Variants in B4GALT6 observed in about 807,000 individuals in gnomAD.
B4GALT6 encodes beta-1,4-galactosyltransferase 6, also known as UDP-Gal:beta-GlcNAc beta-1,4-galactosyltransferase 6.
Under a neutral mutation model 46.3 loss-of-function variants are expected in B4GALT6, and 14 were observed. That is an observed-to-expected ratio of 0.30 (90% confidence interval 0.20 to 0.47). The LOEUF is 0.47. B4GALT6 is among the 20% of genes least tolerant of loss of function. The pLI is 0.99. For missense variants in B4GALT6, 386 were observed against 480.1 expected (o/e 0.80, Z 1.83); for synonymous variants, 168 against 162.0 (o/e 1.04, Z -0.28).
chr18:31,638,628 T>C lies in B4GALT6; in HGVS notation c.588+16A>G, dbSNP rs1345464362. 1.3e-6 allele frequency: 2 copies of C among 1,564,270 alleles called. No homozygotes were observed. Among genetic ancestry groups the C allele is most frequent in the Non-Finnish European group, 1.8e-6 (2 of 1,134,960 alleles). ...ATTCTAGTATACTTAGTGACCACTA[T>C]GAAAAGTATTCTCACCTGTTCAATG... On this transcript the variant is annotated intron_variant, in intron 5 of 8. Transcript: ENST00000306851.
chr18:31,641,507 T>C (rs1487983035), intron 4 of B4GALT6, among the ~76,000 whole-genome samples: 3 of 152,230 alleles, frequency 2.0e-5, no homozygotes, highest in Admixed American at 6.5e-5. Flanking sequence ...TGTGGAAGAA[T>C]GTCCTCCATA....
At chr18:31,693,253 C>A in the B4GALT6 span, among the ~76,000 whole-genome samples, 1 of 152,152 alleles carries the variant, frequency 6.6e-6, no homozygotes, top group African/African-American at 2.4e-5. Context: ...TGGAACCACT[C>A]AGCTCAGGAT....
At chr18:31,692,241 T>C in the B4GALT6 span, among the ~76,000 whole-genome samples, 1 of 152,188 alleles carries the variant, frequency 6.6e-6, no homozygotes, top group Non-Finnish European at 1.5e-5. Flanking sequence ...AAATTGTAGA[T>C]TTTATGATGT....
At chr18:31,630,583 G>A in intron 6 of B4GALT6, among the ~76,000 whole-genome samples, 1 of 152,094 alleles carries the variant, frequency 6.6e-6, no homozygotes, top group Non-Finnish European at 1.5e-5. Flanking sequence ...GAGCACATGT[G>A]ATCTCACAGC....
chr18:31,660,895 G>GA (rs1275812785), intron 2 of B4GALT6, among the ~76,000 whole-genome samples: 3 of 152,174 alleles, frequency 2.0e-5, no homozygotes, highest in Non-Finnish European at 4.4e-5. Context: ...AAAGTCTCCA[G>GA]AAAAAACTGG....
chr18:31,721,946 T>A, the B4GALT6 span, among the ~76,000 whole-genome samples: 1 of 152,112 alleles, frequency 6.6e-6, no homozygotes, highest in Non-Finnish European at 1.5e-5. Context: ...GAGCCCTGAT[T>A]GATACACTTG....
At chr18:31,697,217 G>T in the B4GALT6 span, among the ~76,000 whole-genome samples, 1 of 152,102 alleles carries the variant, frequency 6.6e-6, no homozygotes, top group Non-Finnish European at 1.5e-5. Context: ...GGATGGCTGA[G>T]ATTGTGCCCC....
At chr18:31,695,320 C>T in the B4GALT6 span, among the ~76,000 whole-genome samples, 2 of 151,648 alleles carry the variant, frequency 1.3e-5, no homozygotes, top group Non-Finnish European at 2.9e-5. Context: ...TCAAAGATGC[C>T]AGAAAATGCC....
intron 5 of B4GALT6, among the ~76,000 whole-genome samples, chr18:31,637,707 T>C (rs1360730826): frequency 6.6e-6 from 1 of 152,208 alleles, no homozygotes; most frequent in African/African-American, 2.4e-5. Flanking sequence ...TGCTTTGCTG[T>C]TGTGTTAAAA....
In B4GALT6 at chr18:31,624,394, C is replaced by G. The variant is rs1378569079; in HGVS notation, c.*1220G>C. 1 of 151,416 alleles carries G rather than the reference C, an allele frequency of 6.6e-6. No homozygotes were observed. Among genetic ancestry groups the G allele is most frequent in the Admixed American group, 6.6e-5 (1 of 15,220 alleles). The allele number at this position is 151,416 out of a possible 1,614,324, so 9.4% of individuals were successfully genotyped here. A position where few individuals can be genotyped will look rare whatever the true frequency, so the allele number is the denominator to read the frequency against. On this transcript the variant is annotated 3_prime_UTR_variant, in exon 9 of 9. Coordinates refer to ENST00000306851, the MANE Select transcript of B4GALT6 (RefSeq NM_004775.5). ...GAAAGAAAATTTTAGTAATTAACACCAGAGATATAATCTCTTAAAAGTGAA... is the reference window on the plus strand; with the variant it reads ...GAAAGAAAATTTTAGTAATTAACACGAGAGATATAATCTCTTAAAAGTGAA...
At chr18:31,634,152 G>A (rs1667276) in intron 5 of B4GALT6, among the ~76,000 whole-genome samples, 56,094 of 152,004 alleles carry the variant, frequency 0.37, 10,482 homozygotes, top group Middle Eastern at 0.49. Flanking sequence ...GCCAGACGGG[G>A]AAAGGCCTGG....
the B4GALT6 span, among the ~76,000 whole-genome samples, chr18:31,697,228 T>A: frequency 2.0e-5 from 3 of 152,020 alleles, no homozygotes; most frequent in African/African-American, 4.8e-5. Context: ...ATTGTGCCCC[T>A]GCATTCCAGA....
At chr18:31,678,023 T>C (rs747055844) in intron 1 of B4GALT6, among the ~76,000 whole-genome samples, 8 of 152,094 alleles carry the variant, frequency 5.3e-5, no homozygotes, top group Non-Finnish European at 1.0e-4. Context: ...AAAGGCAGGC[T>C]TGAAAGGGAA....
At chr18:31,626,194 C>CT in intron 8 of B4GALT6, 89 bp downstream of exon 8, 3 of 698,762 alleles carry the variant, frequency 4.3e-6, no homozygotes, top group Non-Finnish European at 6.8e-6. Flanking sequence ...CCTTCAGCAG[C>CT]TTTTTTGGGG....
the B4GALT6 span, among the ~76,000 whole-genome samples, chr18:31,717,707 C>G: frequency 2.6e-5 from 4 of 151,994 alleles, 1 homozygote; most frequent in Admixed American, 2.6e-4. Context: ...GTAATCCCAG[C>G]ACTTTGGGAG....
At chr18:31,689,942 C>G (rs1322970624), upstream of B4GALT6, among the ~76,000 whole-genome samples, 1 of 152,118 alleles carries the variant, frequency 6.6e-6, no homozygotes, top group Non-Finnish European at 1.5e-5. Context: ...AAAACAATAT[C>G]CACAATACTA....
At chr18:31,681,202 T>C (rs1266508643) in intron 1 of B4GALT6, among the ~76,000 whole-genome samples, 4 of 152,196 alleles carry the variant, frequency 2.6e-5, no homozygotes, top group African/African-American at 4.8e-5. Flanking sequence ...AGCAAGAAAA[T>C]GACTACGTTA....
At chr18:31,714,162 A>C in the B4GALT6 span, among the ~76,000 whole-genome samples, 1 of 152,232 alleles carries the variant, frequency 6.6e-6, no homozygotes, top group Non-Finnish European at 1.5e-5. Flanking sequence ...TTAAAAATTC[A>C]ATTCTTCAGT....
At chr18:31,667,914 G>T (rs1355473306) in intron 1 of B4GALT6, among the ~76,000 whole-genome samples, 1 of 152,022 alleles carries the variant, frequency 6.6e-6, no homozygotes, top group Non-Finnish European at 1.5e-5. Context: ...GGCCAACATG[G>T]TGAAACCCCA....
Sources: allele counts gnomAD v4.1 joint callset (sites outside exome capture counted in the v4.1 genomes callset), GRCh38; gene constraint gnomAD v4.1.1; transcripts MANE v1.5; gene names NCBI Gene and HGNC (gene_info 2026-07-23, HGNC 2026-07-21).